GRHL3: variants seen among roughly 807,000 people sequenced by gnomAD.
The protein encoded by GRHL3 is grainyhead like transcription factor 3.
Under a neutral mutation model 70.3 loss-of-function variants are expected in GRHL3, and 20 were observed. The observed-to-expected ratio is 0.28, with a 90% CI of 0.20 to 0.41. GRHL3 has a LOEUF of 0.41. Ranked by LOEUF, GRHL3 falls within the 10% of genes least tolerant of loss-of-function variation. GRHL3 has a pLI of 1.00. For synonymous variants in GRHL3, 299 were observed against 299.9 expected (o/e 1.00, Z 0.03); for missense variants, 637 against 762.3 (o/e 0.84, Z 1.94).
At position 24,336,627 on chromosome 1, in the gene GRHL3, G is replaced by A; in HGVS notation, c.412G>A (p.Ala138Thr). Residue 138 changes from alanine to threonine, a missense_variant, in exon 4 of 16, where the codon GCC becomes ACC. Ala to Thr is a moderately conservative substitution (Grantham distance 58, BLOSUM62 0). Coordinates refer to ENST00000361548, the MANE Select transcript of GRHL3 (RefSeq NM_198173.3). The stretch of plus-strand genomic sequence containing the variant: ...GAATAACCTGATGAGCTTGGAGGGG[G>A]CCTTGCCCACCCCTGGCAAGGCAGC... The part of the protein sequence containing the change: ...KKNNLMSLEG[A>T]LPTPGKAAPL... 6.2e-7 allele frequency: 1 copy of A among 1,614,124 alleles called. No homozygotes were observed. The highest frequency in any genetic ancestry group is 1.1e-5 in the South Asian group (1 of 91,068).
At chr1:24,346,312 A>G (rs1351530217) in intron 12 of GRHL3, among the ~76,000 whole-genome samples, 2 of 152,122 alleles carry the variant, frequency 1.3e-5, no homozygotes, top group African/African-American at 2.4e-5. Context: ...CATTTTATAC[A>G]TGGGGTCACT....
chr1:24,341,125 G>T (rs193250996), intron 8 of GRHL3, among the ~76,000 whole-genome samples: 6 of 152,132 alleles, frequency 3.9e-5, no homozygotes, highest in Non-Finnish European at 8.8e-5. Context: ...GCCTGCGTCG[G>T]GGGGACCGGG....
chr1:24,338,140 C>G (rs767327739), intron 7 of GRHL3, 37 bp downstream of exon 7: 1 of 1,371,162 alleles, frequency 7.3e-7, no homozygotes, highest in Non-Finnish European at 1.0e-6. Context: ...CAGCTCCCCT[C>G]TCTCTCCCCA....
intron 1 of GRHL3, chr1:24,323,022 C>T: frequency 1.3e-6 from 2 of 1,512,764 alleles, no homozygotes; most frequent in Non-Finnish European, 9.0e-7. Flanking sequence ...CTGTGCTTAG[C>T]CTCTGAAAAG....
chr1:24,356,296 G>A (rs1569938842), downstream of GRHL3, among the ~76,000 whole-genome samples: 1 of 151,666 alleles, frequency 6.6e-6, no homozygotes, highest in African/African-American at 2.4e-5. Flanking sequence ...AGGCTGGAGT[G>A]GAGTGGCACG....
At chr1:24,354,307 G>A in intron 15 of GRHL3, 67 bp from the exon 16 acceptor site, 1 of 1,069,784 alleles carries the variant, frequency 9.3e-7, no homozygotes, top group Non-Finnish European at 1.4e-6. Flanking sequence ...CACTCATCCT[G>A]GTCACTCAGA....
chr1:24,357,056 C>CG (rs1427512943), downstream of GRHL3: 10 of 135,616 alleles, frequency 7.4e-5, no homozygotes, highest in Non-Finnish European at 1.4e-4. Flanking sequence ...GCCCCCCCCC[C>CG]CAAAAAAAAA....
intron 8 of GRHL3, among the ~76,000 whole-genome samples, chr1:24,340,041 A>G (rs1221030757): frequency 1.3e-5 from 2 of 152,190 alleles, no homozygotes; most frequent in Non-Finnish European, 2.9e-5. Context: ...GAGTGGCATC[A>G]TAGTACCAAC....
chr1:24,326,754 T>C (rs2148648195), intron 1 of GRHL3, among the ~76,000 whole-genome samples: 1 of 152,266 alleles, frequency 6.6e-6, no homozygotes, highest in Non-Finnish European at 1.5e-5. Context: ...AAGTAGTAGT[T>C]TTTTCCCTCT....
rs113718069 is a variant in GRHL3, at chr1:24,337,095, T to C, written c.630T>C (p.Asp210=). 217 of 1,614,076 alleles carry C rather than the reference T, an allele frequency of 1.3e-4. 1 individual carries two copies. The African/African-American group carries it at 2.3e-3, about 17-fold the overall frequency. Residue 210 remains aspartate (D), a synonymous_variant, in exon 5 of 16, where the codon GAT becomes GAC. Coordinates refer to ENST00000361548, the MANE Select transcript of GRHL3 (RefSeq NM_198173.3). ...CTCTGCAGTCGATGCTCTTCCCAGA[T>C]ATCCTGAAAACCTCCCCGGAACCCC... ...DDPQESMLFP[D]ILKTSPEPPC...
intron 15 of GRHL3, among the ~76,000 whole-genome samples, chr1:24,362,707 C>T (rs1641201351): frequency 6.6e-6 from 1 of 152,214 alleles, no homozygotes; most frequent in Non-Finnish European, 1.5e-5. Flanking sequence ...AGGGCCCTTC[C>T]ACCCCAGAGT....
downstream of GRHL3, among the ~76,000 whole-genome samples, chr1:24,358,871 A>C (rs1341200583): frequency 6.6e-6 from 1 of 152,162 alleles, no homozygotes; most frequent in Admixed American, 6.5e-5. Context: ...AATTTACAAA[A>C]CTATTTTCTA....
rs1427382422 is a variant in GRHL3, at chr1:24,321,241, G to T, written c.17+1673G>T. Among the ~76,000 whole-genome samples the T allele has an allele frequency of 3.3e-5, 5 of 152,194 alleles. No homozygotes were observed. The highest frequency in any genetic ancestry group is 2.1e-4 in the South Asian group (1 of 4,832). On this transcript the variant is annotated intron_variant, in intron 1 of 15. Transcript: ENST00000361548. The surrounding 1 kb of genome is among the most constrained non-coding windows in gnomAD (Gnocchi z 4.0). ...TGCTTTTCTCCTCCCTAATGGTTTG[G>T]ATTTGAAGTCAGATCCGCTGACAGT... is the stretch of plus-strand genomic sequence containing the variant.
chr1:24,345,296 G>A (rs376965144), intron 12 of GRHL3, among the ~76,000 whole-genome samples: 47 of 49,370 alleles, frequency 9.5e-4, no homozygotes, highest in East Asian at 2.7e-3. Flanking sequence ...CTGTGCCTCC[G>A]CCACACCTGT....
chr1:24,360,619 A>G (rs904925065), intron 15 of GRHL3, among the ~76,000 whole-genome samples: 1 of 152,202 alleles, frequency 6.6e-6, no homozygotes, highest in Non-Finnish European at 1.5e-5. Context: ...TTAGATGTTC[A>G]TGGTCCTCAG....
At chr1:24,331,355 G>A in intron 1 of GRHL3, 71 bp from the exon 2 acceptor site, 1 of 1,379,312 alleles carries the variant, frequency 7.2e-7, no homozygotes, top group Non-Finnish European at 9.9e-7. Context: ...CCTGGGCGTT[G>A]GCCTGCGGCT....
At chr1:24,356,146 G>A (rs1557709341), downstream of GRHL3, among the ~76,000 whole-genome samples, 1 of 151,982 alleles carries the variant, frequency 6.6e-6, no homozygotes, top group Admixed American at 6.6e-5. Flanking sequence ...TGATCCACTC[G>A]CCTCAGCCTC....
At chr1:24,343,170 G>GT (rs1316523753) in intron 11 of GRHL3, 145 bp downstream of exon 11, 2 of 805,226 alleles carry the variant, frequency 2.5e-6, no homozygotes, top group Non-Finnish European at 4.0e-6. Context: ...GTTTAAACAT[G>GT]TATATATGGT....
In GRHL3 at chr1:24,338,047, T is replaced by A. The variant is rs1639892836; in HGVS notation, c.896T>A (p.Phe299Tyr). The change falls in exon 7 of 16, where the codon TTC becomes TAC. Residue 299 changes from phenylalanine (F) to tyrosine (Y), a missense_variant. Physicochemically the swap from Phe to Tyr is conservative, Grantham distance 22. Transcript: ENST00000361548. ...AAGGTCCCAGTAGAGCAGCTGCGCT[T>A]CTGGAAGCACTGGCATTCCCGGCAA... ...NEKVPVEQLRFWKHWHSRQPT... is the reference protein window; with the variant it reads ...NEKVPVEQLRYWKHWHSRQPT... The A allele has an allele frequency of 1.2e-6, 2 of 1,613,348 alleles. No individual in the cohort carries two copies. Among genetic ancestry groups the A allele is most frequent in the Admixed American group, 1.7e-5 (1 of 59,860 alleles).
Sources: allele counts gnomAD v4.1 joint callset (sites outside exome capture counted in the v4.1 genomes callset), GRCh38; gene constraint gnomAD v4.1.1; non-coding constraint Gnocchi (gnomAD v3.1); transcripts MANE v1.5; gene names NCBI Gene and HGNC (gene_info 2026-07-23, HGNC 2026-07-21).